ANO3: variants seen among roughly 807,000 people sequenced by gnomAD.
ANO3 encodes anoctamin-3.
ANO3 carries 99 observed loss-of-function variants against 144.8 expected under a neutral mutation model. That is an observed-to-expected ratio of 0.68 (90% confidence interval 0.58 to 0.81). The LOEUF (loss-of-function observed/expected upper bound fraction) is 0.81. ANO3 is among the 30% of genes least tolerant of loss of function. The pLI, the probability that ANO3 is intolerant of heterozygous loss-of-function variation, is 0.00. For synonymous variants in ANO3, 414 were observed against 392.6 expected, an observed-to-expected ratio of 1.05 and a Z score of -0.64; for missense variants, 905 against 1,202.2, an observed-to-expected ratio of 0.75 and a Z score of 3.66.
chr11:26,558,421 C>T (rs1258530252), intron 13 of ANO3, among the ~76,000 whole-genome samples: 1 of 151,978 alleles, frequency 6.6e-6, no homozygotes, highest in Non-Finnish European at 1.5e-5. Context: ...CTCTGTGGGA[C>T]GTCTTGAGAA....
chr11:26,253,900 T>G (rs11029427), intron 1 of ANO3, among the ~76,000 whole-genome samples: 2,796 of 152,250 alleles, frequency 0.018, 68 homozygotes, highest in East Asian at 0.13. Flanking sequence ...CTGATTATTG[T>G]CTTGTTCTAT....
intron 1 of ANO3, among the ~76,000 whole-genome samples, chr11:26,298,096 G>GA (rs2133860054): frequency 6.6e-6 from 1 of 152,290 alleles, no homozygotes; most frequent in African/African-American, 2.4e-5. Flanking sequence ...AAATATTTGA[G>GA]AAATAGAATA....
intron 1 of ANO3, among the ~76,000 whole-genome samples, chr11:26,404,262 ACT>A (rs1857220974): frequency 6.6e-6 from 1 of 151,460 alleles, no homozygotes; most frequent in Non-Finnish European, 1.5e-5. Context: ...TCTTCATAAA[ACT>A]CTATTTAGGT....
At chr11:26,189,255 G>T in exon 1 of ANO3, 1 of 985,274 alleles carries the variant, frequency 1.0e-6, no homozygotes, top group African/African-American at 1.7e-5. Flanking sequence ...CTCATGTTTT[G>T]CTTTACCCTG....
At chr11:26,378,261 G>A (rs1358171396) in intron 1 of ANO3, among the ~76,000 whole-genome samples, 1 of 150,468 alleles carries the variant, frequency 6.6e-6, no homozygotes, top group East Asian at 1.9e-4. Flanking sequence ...ACAGTACTGA[G>A]GAAGTGGGTA....
At chr11:26,645,473 G>A (rs566165482) in intron 23 of ANO3, among the ~76,000 whole-genome samples, 8 of 151,718 alleles carry the variant, frequency 5.3e-5, no homozygotes, top group South Asian at 4.2e-4. Context: ...AGATTTTCTG[G>A]CTAATACTGC....
At position 26,660,584 on chromosome 11, in the gene ANO3, A is replaced by G. The variant is rs78294711; in HGVS notation, c.*140A>G. ...TGCTACTTGGAAATGTATCACAGCCATCTCTGGGATTTGAAATATCCAGAC... is the reference window on the plus strand; with the variant it reads ...TGCTACTTGGAAATGTATCACAGCCGTCTCTGGGATTTGAAATATCCAGAC... On this transcript the variant is annotated 3_prime_UTR_variant, in exon 27 of 27. Coordinates refer to ENST00000256737, the MANE Select transcript of ANO3 (RefSeq NM_031418.4). 5.2e-3 allele frequency: 3,646 copies of G among 707,954 alleles called. 84 individuals carry two copies. Among genetic ancestry groups the G allele is most frequent in the African/African-American group, 0.035 (1,940 of 54,846 alleles). 43.9% of individuals were successfully genotyped at this position (707,954 alleles called of 1,614,324 possible). A position where few individuals can be genotyped will look rare whatever the true frequency, so the allele number is the denominator to read the frequency against.
intron 1 of ANO3, among the ~76,000 whole-genome samples, chr11:26,396,690 G>T (rs898404295): frequency 2.0e-5 from 3 of 151,858 alleles, no homozygotes; most frequent in African/African-American, 7.3e-5. Flanking sequence ...ACTAACACAG[G>T]AACAGAAAAC....
At chr11:26,321,459 A>G (rs1854759475) in intron 1 of ANO3, among the ~76,000 whole-genome samples, 1 of 152,074 alleles carries the variant, frequency 6.6e-6, no homozygotes, top group African/African-American at 2.4e-5. Context: ...AAATAGATAC[A>G]ATTTTGATAT....
chr11:26,322,678 A>C (rs12049824), intron 1 of ANO3, among the ~76,000 whole-genome samples: 8,887 of 152,212 alleles, frequency 0.058, 477 homozygotes, highest in African/African-American at 0.14. Context: ...TGAAAGGTAC[A>C]TATGATCAAT....
chr11:26,449,869 C>T (rs1298169908), intron 3 of ANO3, among the ~76,000 whole-genome samples: 1 of 152,052 alleles, frequency 6.6e-6, no homozygotes, highest in African/African-American at 2.4e-5. Context: ...ATTCTCCTGC[C>T]TCAGCCTCCC....
intron 1 of ANO3, among the ~76,000 whole-genome samples, chr11:26,201,765 T>TG (rs1282938289): frequency 3.3e-5 from 5 of 151,130 alleles, no homozygotes; most frequent in Non-Finnish European, 7.4e-5. Flanking sequence ...AAGTTTTGTT[T>TG]TTTTTTTTTT....
intron 1 of ANO3, among the ~76,000 whole-genome samples, chr11:26,237,082 G>C (rs752083563): frequency 1.5e-4 from 23 of 151,880 alleles, no homozygotes; most frequent in Non-Finnish European, 2.6e-4. Flanking sequence ...TTGTGATTCC[G>C]GCAAAACTGT....
At chr11:26,221,531 G>T (rs771759958) in intron 1 of ANO3, among the ~76,000 whole-genome samples, 1 of 152,168 alleles carries the variant, frequency 6.6e-6, no homozygotes, top group Non-Finnish European at 1.5e-5. Flanking sequence ...GAATCTCACA[G>T]GTTCCTTATC....
intron 1 of ANO3, among the ~76,000 whole-genome samples, chr11:26,260,563 A>G (rs118009820): frequency 0.02 from 3,022 of 152,216 alleles, 64 homozygotes; most frequent in East Asian, 0.12. Context: ...AAAGGAGAAT[A>G]ACACTTTAGA....
intron 4 of ANO3, among the ~76,000 whole-genome samples, chr11:26,506,710 G>T (rs1416818269): frequency 1.3e-5 from 2 of 152,170 alleles, no homozygotes; most frequent in African/African-American, 2.4e-5. Flanking sequence ...TTATGCACTT[G>T]AACTTAATCT....
chr11:26,620,072 G>A (rs1333906880), intron 17 of ANO3, among the ~76,000 whole-genome samples: 5 of 152,046 alleles, frequency 3.3e-5, no homozygotes, highest in Admixed American at 1.3e-4. Context: ...ATTTGAAACC[G>A]AGAATTGCTC....
At chr11:26,239,231 CATT>C (rs1390043626) in intron 1 of ANO3, among the ~76,000 whole-genome samples, 4 of 151,876 alleles carry the variant, frequency 2.6e-5, no homozygotes, top group Non-Finnish European at 4.4e-5. Flanking sequence ...ACTCCAAAAA[CATT>C]ATCATTAAAA....
chr11:26,462,808 G>T (rs1481140924), intron 3 of ANO3, among the ~76,000 whole-genome samples: 1 of 151,764 alleles, frequency 6.6e-6, no homozygotes, highest in Non-Finnish European at 1.5e-5. Flanking sequence ...CACTATCAGT[G>T]TCAGCATTAG....
Sources: allele counts gnomAD v4.1 joint callset (sites outside exome capture counted in the v4.1 genomes callset), GRCh38; gene constraint gnomAD v4.1.1; transcripts MANE v1.5; gene names NCBI Gene and HGNC (gene_info 2026-07-23, HGNC 2026-07-21).